FHIT: variants seen among roughly 807,000 people sequenced by gnomAD.
FHIT encodes bis(5'-adenosyl)-triphosphatase.
Under a neutral mutation model 17.9 loss-of-function variants are expected in FHIT, and 19 were observed. The observed-to-expected ratio is 1.06, with a 90% confidence interval of 0.74 to 1.56. FHIT has a LOEUF of 1.56. Ranked by LOEUF, FHIT falls within the 40% of genes most tolerant of loss-of-function variation. The pLI, the probability that FHIT is intolerant of heterozygous loss-of-function variation, is 0.00. For missense variants in FHIT, 248 were observed against 189.2 expected, an observed-to-expected ratio of 1.31 and a Z score of -1.82; for synonymous variants, 81 against 69.7, an observed-to-expected ratio of 1.16 and a Z score of -0.81.
intron 8 of FHIT, among the ~76,000 whole-genome samples, chr3:59,771,360 G>A (rs1034961089): frequency 6.6e-6 from 1 of 152,180 alleles, no homozygotes; most frequent in Non-Finnish European, 1.5e-5. Context: ...AGGAGGAAAA[G>A]CATGGGAATA....
chr3:59,840,655 G>C (rs1701501715), intron 8 of FHIT, among the ~76,000 whole-genome samples: 1 of 152,118 alleles, frequency 6.6e-6, no homozygotes, highest in African/African-American at 2.4e-5. Context: ...TCAAAATGCA[G>C]ACACCTATGC....
At chr3:59,943,297 C>A (rs1706625928) in intron 7 of FHIT, among the ~76,000 whole-genome samples, 1 of 151,650 alleles carries the variant, frequency 6.6e-6, no homozygotes, top group Non-Finnish European at 1.5e-5. Flanking sequence ...TTTTTTTAAA[C>A]CTGGGCTCAA....
At chr3:61,213,572 C>G (rs1012022563) in intron 1 of FHIT, among the ~76,000 whole-genome samples, 2 of 152,110 alleles carry the variant, frequency 1.3e-5, no homozygotes, top group Non-Finnish European at 2.9e-5. Flanking sequence ...CTTTAACAAC[C>G]CACTGTCAAC....
chr3:59,917,463 C>T (rs1705186603), intron 8 of FHIT, among the ~76,000 whole-genome samples: 1 of 152,140 alleles, frequency 6.6e-6, no homozygotes, highest in African/African-American at 2.4e-5. Flanking sequence ...GTTTCCTCCC[C>T]CACATTGGCT....
intron 3 of FHIT, among the ~76,000 whole-genome samples, chr3:60,877,348 A>G (rs1704713378): frequency 6.6e-6 from 1 of 152,156 alleles, no homozygotes; most frequent in African/African-American, 2.4e-5. Context: ...CAAACAGTGA[A>G]AACTGCTCTA....
intron 5 of FHIT, among the ~76,000 whole-genome samples, chr3:60,131,677 C>G (rs1699603341): frequency 6.6e-6 from 1 of 152,180 alleles, no homozygotes; most frequent in East Asian, 1.9e-4. Context: ...TCTTTCAATC[C>G]TGTCCCCAAG....
rs1576758010 is a variant in FHIT at position 60,495,032 on chromosome 3, T to C, written c.103+41828A>G. Among the ~76,000 whole-genome samples the C allele has an allele frequency of 2.0e-5, 3 of 152,286 alleles. No individual in the cohort carries two copies. In the South Asian group the frequency reaches 6.2e-4, roughly 32 times the overall value. On this transcript the variant is annotated intron_variant, in intron 5 of 9. Coordinates refer to ENST00000492590, the MANE Select transcript of FHIT (RefSeq NM_002012.4). ...TGTGTGTTAGCTCTACTTTTAGTTT[T>C]CTGAGTAACCTCCAAACTGTTCTCC...
intron 5 of FHIT, among the ~76,000 whole-genome samples, chr3:60,474,149 A>T (rs1252793696): frequency 6.6e-6 from 1 of 152,210 alleles, no homozygotes; most frequent in East Asian, 1.9e-4. Context: ...GATGAAGGAG[A>T]TGAAGCAGAC....
chr3:60,364,093 A>C (rs982790701), intron 5 of FHIT, among the ~76,000 whole-genome samples: 1 of 152,210 alleles, frequency 6.6e-6, no homozygotes, highest in Non-Finnish European at 1.5e-5. Flanking sequence ...GTCCCATTGT[A>C]AATATACTCT....
At chr3:60,299,134 C>A (rs1021938136) in intron 5 of FHIT, among the ~76,000 whole-genome samples, 1 of 152,038 alleles carries the variant, frequency 6.6e-6, no homozygotes, top group African/African-American at 2.4e-5. Flanking sequence ...TAGAGTCAGC[C>A]GTGACGATCC....
At chr3:61,045,888 T>C (rs747909104) in intron 2 of FHIT, among the ~76,000 whole-genome samples, 2 of 152,066 alleles carry the variant, frequency 1.3e-5, no homozygotes, top group African/African-American at 2.4e-5. Flanking sequence ...CCTAAATGAC[T>C]ACTGGGCACA....
intron 2 of FHIT, among the ~76,000 whole-genome samples, chr3:61,087,890 A>G (rs1333074784): frequency 1.3e-5 from 2 of 152,166 alleles, no homozygotes; most frequent in Non-Finnish European, 2.9e-5. Flanking sequence ...AAAGAATACT[A>G]CAGTATCTCA....
intron 5 of FHIT, among the ~76,000 whole-genome samples, chr3:60,479,605 C>A (rs1028742074): frequency 2.0e-5 from 3 of 152,158 alleles, no homozygotes; most frequent in African/African-American, 7.2e-5. Context: ...GGGTCCCCAA[C>A]CCCCTGGCTG....
intron 8 of FHIT, among the ~76,000 whole-genome samples, chr3:59,755,757 A>G (rs1701182339): frequency 6.6e-6 from 1 of 152,220 alleles, no homozygotes; most frequent in African/African-American, 2.4e-5. Context: ...TGGGATTACA[A>G]AATGGGAAGG....
At chr3:61,230,631 G>C (rs1364509438) in intron 1 of FHIT, among the ~76,000 whole-genome samples, 2 of 151,956 alleles carry the variant, frequency 1.3e-5, no homozygotes, top group African/African-American at 2.4e-5. Flanking sequence ...ACTAGAGTAA[G>C]GATTGCTAAG....
At chr3:60,515,046 G>A (rs1214509906) in intron 5 of FHIT, among the ~76,000 whole-genome samples, 1 of 151,962 alleles carries the variant, frequency 6.6e-6, no homozygotes, top group Admixed American at 6.6e-5. Context: ...CGACAGACAA[G>A]GTGAGGCAGG....
At chr3:59,996,372 CA>C (rs1699511725) in intron 7 of FHIT, among the ~76,000 whole-genome samples, 1 of 152,052 alleles carries the variant, frequency 6.6e-6, no homozygotes, top group Non-Finnish European at 1.5e-5. Context: ...GCAAAAAATA[CA>C]ATCTTCCCTG....
At chr3:59,914,775 G>A (rs998122243) in intron 8 of FHIT, among the ~76,000 whole-genome samples, 1 of 150,554 alleles carries the variant, frequency 6.6e-6, no homozygotes, top group Non-Finnish European at 1.5e-5. Flanking sequence ...TCTTTACCTA[G>A]TTTATCCATT....
intron 5 of FHIT, among the ~76,000 whole-genome samples, chr3:60,434,232 C>T (rs2030005312): frequency 6.6e-6 from 1 of 152,038 alleles, no homozygotes. Context: ...CAGTTACATC[C>T]CACTATCTAC....
Sources: gnomAD v4.1 joint callset for allele counts (sites outside exome capture counted in the v4.1 genomes callset) on GRCh38, gnomAD v4.1.1 for gene constraint, MANE v1.5 for transcripts, NCBI Gene and HGNC (gene_info 2026-07-23, HGNC 2026-07-21) for gene names.